The following POU2F3 variants were observed in gnomAD, a reference collection of about 807,000 sequenced individuals.
POU2F3 encodes the protein POU class 2 homeobox 3, also known as POU domain, class 2, transcription factor 3.
A neutral mutation model predicts 59.2 loss-of-function variants in POU2F3; 23 were observed. That is an observed-to-expected ratio of 0.39 (90% confidence interval 0.28 to 0.55). The LOEUF is 0.55. Among genes scored for constraint, POU2F3 ranks in the 20% least tolerant of loss-of-function variants. The pLI is 0.66. For missense variants in POU2F3, 473 were observed against 544.5 expected (o/e 0.87, Z 1.31); for synonymous variants, 190 against 214.6 (o/e 0.89, Z 1.00).
chr11:120,269,573 C>T (rs889056620), intron 3 of POU2F3, among the ~76,000 whole-genome samples: 1 of 152,140 alleles, frequency 6.6e-6, no homozygotes, highest in African/African-American at 2.4e-5. Context: ...TGGGTGTTTG[C>T]ATGAATTGAC....
intron 6 of POU2F3, 32 bp from the exon 7 acceptor site, chr11:120,304,998 G>A (rs374609592): frequency 2.0e-5 from 26 of 1,307,674 alleles, no homozygotes; most frequent in Admixed American, 2.3e-5. Flanking sequence ...ATTGATCTTC[G>A]TGGTGGATCT....
intron 3 of POU2F3, among the ~76,000 whole-genome samples, chr11:120,271,825 C>T (rs970625562): frequency 3.3e-5 from 5 of 152,212 alleles, no homozygotes; most frequent in Admixed American, 3.3e-4. Flanking sequence ...GAGTTGTCCC[C>T]TCCCTCTTCT....
chr11:120,295,366 C>T (rs1034214851), intron 3 of POU2F3, among the ~76,000 whole-genome samples: 1 of 152,204 alleles, frequency 6.6e-6, no homozygotes, highest in African/African-American at 2.4e-5. Context: ...CTGCCAGAGG[C>T]TGTTCTACCA....
intron 10 of POU2F3, among the ~76,000 whole-genome samples, chr11:120,311,564 C>T (rs560219436): frequency 2.0e-5 from 3 of 152,252 alleles, no homozygotes; most frequent in African/African-American, 7.2e-5. Flanking sequence ...TTGCCATTTA[C>T]AGAACAAGAA....
intron 7 of POU2F3, 76 bp downstream of exon 7, chr11:120,305,288 A>G (rs1456552472): frequency 6.6e-7 from 1 of 1,512,416 alleles, no homozygotes; most frequent in Non-Finnish European, 8.9e-7. Context: ...GCAGGTTTCA[A>G]GAGCGACCAG....
chr11:120,236,700 A>T (rs1442019141), upstream of POU2F3: 1 of 1,502,116 alleles, frequency 6.7e-7, no homozygotes, highest in East Asian at 2.4e-5. Context: ...CTGCTAAAGG[A>T]GGAAGGGGTA....
intron 10 of POU2F3, 146 bp from the exon 11 acceptor site, chr11:120,315,215 A>G: frequency 1.4e-6 from 1 of 725,502 alleles, no homozygotes; most frequent in East Asian, 2.7e-5. Flanking sequence ...TTCCCATAGA[A>G]AGGAGGATGG....
At chr11:120,246,557 G>C (rs755421018) in intron 2 of POU2F3, 40 bp downstream of exon 2, 2 of 1,596,828 alleles carry the variant, frequency 1.3e-6, no homozygotes, top group African/African-American at 1.3e-5. Context: ...GGGGTGGGGG[G>C]AAGAGAGTTG....
chr11:120,248,045 G>A (rs898940184), intron 2 of POU2F3, among the ~76,000 whole-genome samples: 9 of 152,220 alleles, frequency 5.9e-5, no homozygotes, highest in African/African-American at 2.2e-4. Flanking sequence ...AAGGGAGGGA[G>A]TTCAAATCCT....
intron 2 of POU2F3, among the ~76,000 whole-genome samples, chr11:120,248,532 C>G (rs999943665): frequency 1.2e-4 from 18 of 152,134 alleles, no homozygotes; most frequent in African/African-American, 4.1e-4. Context: ...GCTCATTCCC[C>G]GCTTTACTCA....
intron 2 of POU2F3, among the ~76,000 whole-genome samples, chr11:120,266,817 A>C (rs993354430): frequency 6.6e-6 from 1 of 152,182 alleles, no homozygotes; most frequent in African/African-American, 2.4e-5. Context: ...TTGTTTGCTT[A>C]GTTCTTTCTT....
In POU2F3 at chr11:120,291,372, T is replaced by TTGAC. The variant is rs1214975366; in HGVS notation, c.133-6890_133-6887dup. On this transcript the variant is annotated intron_variant, in intron 3 of 12. Transcript: ENST00000543440. ...CCCTGGCTTGGTCTTTAGGACTAAC[T>TTGAC]TGACTGTAGCTCTAGCTGTGTTTCC... Among the ~76,000 whole-genome samples, 7 of 152,336 alleles carry TTGAC rather than the reference T, an allele frequency of 4.6e-5. No individual in the cohort carries two copies. The East Asian group carries it at 1.3e-3, about 29-fold the overall frequency.
At chr11:120,314,261 G>A (rs567178856) in intron 10 of POU2F3, among the ~76,000 whole-genome samples, 31 of 152,322 alleles carry the variant, frequency 2.0e-4, no homozygotes, top group African/African-American at 7.2e-4. Context: ...CTGTTAGGGT[G>A]GGATCTTCCA....
intron 2 of POU2F3, among the ~76,000 whole-genome samples, chr11:120,249,372 G>T (rs897255408): frequency 6.6e-6 from 1 of 151,832 alleles, no homozygotes; most frequent in Admixed American, 6.6e-5. Flanking sequence ...TTTGAGACAG[G>T]TTCTCCCTCT....
rs11217775 is a variant in POU2F3 at position 120,250,614 on chromosome 11, T to C, written c.97+4097T>C. On this transcript the variant is annotated intron_variant, in intron 2 of 12. Transcript: ENST00000543440. The stretch of plus-strand genomic sequence containing the variant: ...ACTAAGCCTGAGTCTTTCTAGTGAC[T>C]TTCTACCTAAAGATGGTGGTAGGAA... 0.058 allele frequency among the ~76,000 whole-genome samples: 8,791 copies of C among 152,246 alleles called. 1,152 individuals carry two copies. The East Asian group carries it at 0.61, about 11-fold the overall frequency.
chr11:120,266,745 C>T (rs950117517), intron 2 of POU2F3, among the ~76,000 whole-genome samples: 1 of 152,166 alleles, frequency 6.6e-6, no homozygotes, highest in Non-Finnish European at 1.5e-5. Context: ...TACTCTCTAC[C>T]GCCTTACAGT....
At chr11:120,291,103 T>C (rs1941004633) in intron 3 of POU2F3, among the ~76,000 whole-genome samples, 1 of 152,236 alleles carries the variant, frequency 6.6e-6, no homozygotes, top group Non-Finnish European at 1.5e-5. Context: ...GATGTGTGTT[T>C]ATCTGATTCT....
chr11:120,263,804 C>T (rs945668656), intron 2 of POU2F3, among the ~76,000 whole-genome samples: 1 of 152,196 alleles, frequency 6.6e-6, no homozygotes, highest in Admixed American at 6.5e-5. Flanking sequence ...AGCCATCTTC[C>T]AAAGACGGAG....
chr11:120,310,321 C>A (rs558326282), intron 10 of POU2F3, among the ~76,000 whole-genome samples: 3 of 152,234 alleles, frequency 2.0e-5, no homozygotes, highest in East Asian at 3.9e-4. Flanking sequence ...AGGGTTTTGG[C>A]CTGAGCAATG....
Sources: allele counts gnomAD v4.1 joint callset (sites outside exome capture counted in the v4.1 genomes callset), GRCh38; gene constraint gnomAD v4.1.1; transcripts MANE v1.5; gene names NCBI Gene and HGNC (gene_info 2026-07-23, HGNC 2026-07-21).